Variants in UHRF1 observed in about 807,000 individuals in gnomAD.
UHRF1 encodes ubiquitin like with PHD and ring finger domains 1.
Under a neutral mutation model 96.5 loss-of-function variants are expected in UHRF1, and 9 were observed. The ratio of observed to expected loss-of-function variants is 0.09; its 90% CI spans 0.06 to 0.16. The LOEUF (loss-of-function observed/expected upper bound fraction) is 0.16. Ranked by LOEUF, UHRF1 falls within the 10% of genes least tolerant of loss-of-function variation. The pLI is 1.00. For synonymous variants in UHRF1, 455 were observed against 469.9 expected (o/e 0.97, Z 0.41); for missense variants, 626 against 1,131.1 (o/e 0.55, Z 6.40).
chr19:4,945,403 G>C (rs993960620), intron 9 of UHRF1, among the ~76,000 whole-genome samples: 6 of 152,016 alleles, frequency 3.9e-5, no homozygotes, highest in Non-Finnish European at 7.4e-5. Flanking sequence ...GGATCACAGG[G>C]ACATGCCACC....
chr19:4,931,379 C>T (rs962133617), intron 4 of UHRF1, among the ~76,000 whole-genome samples: 13 of 152,196 alleles, frequency 8.5e-5, no homozygotes, highest in East Asian at 1.9e-4. Flanking sequence ...TGGATTCAAG[C>T]GATTCTCCTG....
chr19:4,937,219 T>C (rs982990517), intron 5 of UHRF1, among the ~76,000 whole-genome samples: 2 of 152,038 alleles, frequency 1.3e-5, no homozygotes, highest in Non-Finnish European at 2.9e-5. Context: ...AATTACAGAT[T>C]AATTGAAGTT....
At chr19:4,956,665 C>T (rs1231783278) in intron 15 of UHRF1, 44 bp from the exon 16 acceptor site, 1 of 1,303,204 alleles carries the variant, frequency 7.7e-7, no homozygotes. Flanking sequence ...TGTGGGAGCC[C>T]TGGTCCCGGT....
intron 5 of UHRF1, among the ~76,000 whole-genome samples, chr19:4,938,296 C>G (rs377425300): frequency 1.4e-4 from 21 of 152,130 alleles, no homozygotes; most frequent in African/African-American, 4.8e-4. Flanking sequence ...AGCTGACATA[C>G]TTTCTGGGTT....
At position 4,930,627 on chromosome 19, in the gene UHRF1, C is replaced by T. The variant is rs2033017390; in HGVS notation, c.409-89C>T. The T allele has an allele frequency of 5.4e-6, 8 of 1,474,084 alleles. No individual in the cohort carries two copies. The Admixed American group carries it at 1.0e-4, about 19-fold the overall frequency. The allele number at this position is 1,474,084 out of a possible 1,614,324, so 91.3% of individuals were successfully genotyped here. A position where few individuals can be genotyped will look rare whatever the true frequency, so the allele number is the denominator to read the frequency against. On this transcript the variant is annotated intron_variant, in intron 3 of 16. Transcript: ENST00000650932. The surrounding 1 kb of genome is among the most constrained non-coding windows in gnomAD (Gnocchi z 4.4). ...GGCATTCGAGTTTGCGCCCTGGTTC[C>T]AGAGCATCCCAGTGTCCGAGAACCA...
At chr19:4,943,993 C>A in intron 7 of UHRF1, 139 bp from the exon 8 acceptor site, 1 of 1,324,124 alleles carries the variant, frequency 7.6e-7, no homozygotes, top group Non-Finnish European at 1.0e-6. Flanking sequence ...GTGTGCCAAG[C>A]GGCCTGCAAT....
At chr19:4,921,215 G>A (rs1424996651) in intron 2 of UHRF1, among the ~76,000 whole-genome samples, 1 of 152,132 alleles carries the variant, frequency 6.6e-6, no homozygotes, top group Non-Finnish European at 1.5e-5. Context: ...CAAGGCGGGT[G>A]GATCAACTGA....
intron 11 of UHRF1, among the ~76,000 whole-genome samples, 170 bp from the exon 12 acceptor site, chr19:4,950,441 A>G (rs1476078731): frequency 6.7e-6 from 1 of 148,334 alleles, no homozygotes; most frequent in Non-Finnish European, 1.5e-5. Context: ...ACGGGGTTTC[A>G]CCATGTTGGC....
At chr19:4,918,127 GT>G (rs2032584873) in intron 2 of UHRF1, among the ~76,000 whole-genome samples, 1 of 151,544 alleles carries the variant, frequency 6.6e-6, no homozygotes, top group Non-Finnish European at 1.5e-5. Context: ...TGTTTGTTTT[GT>G]TTTGTTTTTG....
chr19:4,923,255 G>A (rs1197104977), intron 2 of UHRF1, among the ~76,000 whole-genome samples: 1 of 152,110 alleles, frequency 6.6e-6, no homozygotes. Flanking sequence ...GAGTCCGACC[G>A]TCTGGCCCCC....
chr19:4,943,066 C>T (rs1378285885), intron 7 of UHRF1, among the ~76,000 whole-genome samples: 3 of 152,046 alleles, frequency 2.0e-5, no homozygotes, highest in East Asian at 3.9e-4. Context: ...GGTGAAACCC[C>T]GTCTCTACTA....
chr19:4,915,857 T>C (rs1350722335), intron 2 of UHRF1, among the ~76,000 whole-genome samples: 1 of 152,202 alleles, frequency 6.6e-6, no homozygotes, highest in Non-Finnish European at 1.5e-5. Flanking sequence ...AGAATGCTGC[T>C]GTGGAATGTG....
At chr19:4,931,243 C>T (rs1166411037) in intron 4 of UHRF1, among the ~76,000 whole-genome samples, 2 of 152,330 alleles carry the variant, frequency 1.3e-5, no homozygotes, top group South Asian at 2.1e-4. Context: ...CTGCCAAGTT[C>T]GGGGTCCACA....
intron 5 of UHRF1, among the ~76,000 whole-genome samples, chr19:4,937,887 A>G (rs2146348982): frequency 6.6e-6 from 1 of 152,224 alleles, no homozygotes; most frequent in South Asian, 2.1e-4. Context: ...GCAGTGGCCG[A>G]TGCCTGTAAT....
intron 13 of UHRF1, among the ~76,000 whole-genome samples, chr19:4,953,636 T>A (rs1192366199): frequency 2.0e-5 from 3 of 152,198 alleles, no homozygotes; most frequent in African/African-American, 4.8e-5. Flanking sequence ...GCTAATTTTT[T>A]AAATTTTTTT....
chr19:4,916,646 G>A (rs1415182666), intron 2 of UHRF1, among the ~76,000 whole-genome samples: 7 of 151,814 alleles, frequency 4.6e-5, no homozygotes, highest in Admixed American at 2.0e-4. Context: ...CCACGCCACC[G>A]CCGCCCCCTC....
At chr19:4,948,683 TCCCAGCTA>T (rs2033636880) in intron 11 of UHRF1, among the ~76,000 whole-genome samples, 2 of 152,032 alleles carry the variant, frequency 1.3e-5, no homozygotes, top group African/African-American at 4.8e-5. Flanking sequence ...GCACCTGTAA[TCCCAGCTA>T]CTTGGGAGGC....
At chr19:4,907,508 T>C (rs558160018), upstream of UHRF1, among the ~76,000 whole-genome samples, 34 of 152,062 alleles carry the variant, frequency 2.2e-4, no homozygotes, top group African/African-American at 8.2e-4. Flanking sequence ...GACCTCCAGT[T>C]ATCTGCCTGC....
At chr19:4,904,525 G>A (rs1268262711), upstream of UHRF1, among the ~76,000 whole-genome samples, 1 of 152,120 alleles carries the variant, frequency 6.6e-6, no homozygotes, top group East Asian at 1.9e-4. Context: ...ATCTTGGCCA[G>A]GCTGATCTTG....
Sources: gnomAD v4.1 joint callset for allele counts (sites outside exome capture counted in the v4.1 genomes callset) on GRCh38, gnomAD v4.1.1 for gene constraint, Gnocchi (gnomAD v3.1) non-coding constraint, MANE v1.5 for transcripts, NCBI Gene and HGNC (gene_info 2026-07-23, HGNC 2026-07-21) for gene names.